Variants in BCKDHB observed in about 807,000 individuals in gnomAD.
BCKDHB encodes 2-oxoisovalerate dehydrogenase subunit beta, mitochondrial.
In BCKDHB, 41 loss-of-function variants were observed where a neutral mutation model predicts 48.5. The ratio of observed to expected loss-of-function variants is 0.85; its 90% confidence interval spans 0.66 to 1.10. The LOEUF is 1.10. Among genes scored for constraint, BCKDHB ranks in the 50% least tolerant of loss-of-function variants. The pLI, the probability that BCKDHB is intolerant of heterozygous loss-of-function variation, is 0.00. For synonymous variants in BCKDHB, 201 were observed against 174.8 expected, an observed-to-expected ratio of 1.15 and a Z score of -1.18; for missense variants, 496 against 494.2, an observed-to-expected ratio of 1.00 and a Z score of -0.03.
chr6:80,392,837 A>G, the BCKDHB span, among the ~76,000 whole-genome samples: 71 of 143,576 alleles, frequency 4.9e-4, 1 homozygote, highest in South Asian at 1.8e-3. Flanking sequence ...TCTAATTCCC[A>G]CTCTCCAAAG....
At chr6:80,176,215 A>G (rs1044443607) in intron 6 of BCKDHB, among the ~76,000 whole-genome samples, 1 of 152,166 alleles carries the variant, frequency 6.6e-6, no homozygotes, top group Non-Finnish European at 1.5e-5. Context: ...AGTGTAGAAT[A>G]AGATTTTCTT....
intron 6 of BCKDHB, among the ~76,000 whole-genome samples, chr6:80,199,648 G>A (rs1028523408): frequency 7.9e-5 from 12 of 151,244 alleles, no homozygotes; most frequent in South Asian, 2.1e-4. Context: ...GTGGTGGTGC[G>A]TGCCTGTAAT....
intron 9 of BCKDHB, among the ~76,000 whole-genome samples, chr6:80,329,435 A>G (rs958383208): frequency 6.6e-6 from 1 of 152,072 alleles, no homozygotes; most frequent in African/African-American, 2.4e-5. Flanking sequence ...TTTCCTGGAG[A>G]GTCTTGTAAT....
the BCKDHB span, among the ~76,000 whole-genome samples, chr6:80,451,203 AT>A: frequency 6.6e-6 from 1 of 152,210 alleles, no homozygotes; most frequent in Non-Finnish European, 1.5e-5. Flanking sequence ...TGCAAAATAA[AT>A]TTTGGTCTCA....
In BCKDHB at chr6:80,106,704, T is replaced by C. The variant is rs1305653204; in HGVS notation, c.11T>C (p.Val4Ala). 2 of 1,551,584 alleles carry C rather than the reference T, an allele frequency of 1.3e-6. No individual in the cohort carries two copies. The highest frequency in any genetic ancestry group is 1.9e-5 in the Admixed American group (1 of 51,396). The change falls in exon 1 of 10, where the codon GTA (valine) becomes GCA (alanine). Residue 4 changes from valine to alanine, a missense_variant. Physicochemically the swap from Val to Ala is moderately conservative, Grantham distance 64. Transcript: ENST00000320393. MAV[V>A]AAAAGWLLRL... is the part of the protein sequence containing the mutation. ...CGGTGGTGAGCGGGGATGGCGGTTG[T>C]AGCGGCGGCTGCCGGCTGGCTACTC...
At chr6:80,185,746 T>C (rs997055626) in intron 6 of BCKDHB, among the ~76,000 whole-genome samples, 1 of 152,194 alleles carries the variant, frequency 6.6e-6, no homozygotes, top group African/African-American at 2.4e-5. Flanking sequence ...TGCTGGGGAA[T>C]GTCTGCAAAG....
chr6:80,213,353 TTATC>T (rs1450481347), intron 8 of BCKDHB, among the ~76,000 whole-genome samples: 5 of 152,234 alleles, frequency 3.3e-5, no homozygotes, highest in East Asian at 3.8e-4. Context: ...TAGGAACAAT[TTATC>T]TACTTTGAAA....
chr6:80,380,906 T>C, the BCKDHB span, among the ~76,000 whole-genome samples: 4 of 152,020 alleles, frequency 2.6e-5, no homozygotes, highest in Admixed American at 6.6e-5. Flanking sequence ...CCTGCAAACT[T>C]GCTGAAGACA....
At chr6:80,169,890 G>T (rs888019153) in intron 5 of BCKDHB, 15 of 1,587,688 alleles carry the variant, frequency 9.4e-6, no homozygotes, top group Non-Finnish European at 1.3e-5. Context: ...GACTGGGAAA[G>T]AAGCCATGTG....
At chr6:80,356,898 T>C in the BCKDHB span, 1 of 150,928 alleles carries the variant, frequency 6.6e-6, no homozygotes, top group Non-Finnish European at 1.5e-5. Context: ...TCCTTCTGCC[T>C]CTGCCTCTTC....
the BCKDHB span, among the ~76,000 whole-genome samples, chr6:80,419,318 A>G: frequency 6.6e-6 from 1 of 152,102 alleles, no homozygotes; most frequent in African/African-American, 2.4e-5. Context: ...AGCATAATTC[A>G]CCAGCACAGA....
At position 80,344,118 on chromosome 6, in the gene BCKDHB, C is replaced by A; in HGVS notation, c.*314C>A. On this transcript the variant is annotated 3_prime_UTR_variant, in exon 10 of 10. Coordinates refer to ENST00000320393, the MANE Select transcript of BCKDHB (RefSeq NM_183050.4). Reference sequence around the variant, plus strand: ...CCCCTGAGTTCAAGCGATTCTCCTGCCTCAGCCTGCTGAGTAGTTGGGATT... The same window carrying A: ...CCCCTGAGTTCAAGCGATTCTCCTGACTCAGCCTGCTGAGTAGTTGGGATT... The A allele has an allele frequency of 2.7e-6, 1 of 365,788 alleles. No individual in the cohort carries two copies. The allele number at this position is 365,788 out of a possible 1,614,324, so 22.7% of individuals were successfully genotyped here.
At chr6:80,385,972 G>GGTTA in the BCKDHB span, among the ~76,000 whole-genome samples, 1 of 152,254 alleles carries the variant, frequency 6.6e-6, no homozygotes, top group Non-Finnish European at 1.5e-5. Flanking sequence ...TTATTTGCTT[G>GGTTA]GTTAGCTGAA....
chr6:80,171,261 T>TA (rs764125453), intron 5 of BCKDHB, 21 bp from the exon 6 acceptor site: 5 of 1,503,036 alleles, frequency 3.3e-6, no homozygotes, highest in Admixed American at 1.7e-5. Flanking sequence ...AAAATTGTCT[T>TA]AAAAAAATCT....
the BCKDHB span, among the ~76,000 whole-genome samples, chr6:80,422,905 ACTG>A: frequency 1.4e-3 from 208 of 152,320 alleles, no homozygotes; most frequent in African/African-American, 5.0e-3. Flanking sequence ...CATTTGAGTT[ACTG>A]CTGAAATGAG....
chr6:80,232,936 G>A (rs916639701), intron 8 of BCKDHB, among the ~76,000 whole-genome samples: 3 of 151,864 alleles, frequency 2.0e-5, no homozygotes, highest in African/African-American at 7.3e-5. Flanking sequence ...CTATGTGAAT[G>A]CATAATTTGC....
At chr6:80,410,175 C>T in the BCKDHB span, among the ~76,000 whole-genome samples, 1 of 152,072 alleles carries the variant, frequency 6.6e-6, no homozygotes, top group Non-Finnish European at 1.5e-5. Context: ...TTGCGTGTCT[C>T]TAAAGGATTT....
At chr6:80,348,952 A>G (rs1176342785), downstream of BCKDHB, among the ~76,000 whole-genome samples, 2 of 152,262 alleles carry the variant, frequency 1.3e-5, no homozygotes, top group African/African-American at 4.8e-5. Flanking sequence ...CAGTAACAAG[A>G]ATGAGGACAT....
intron 8 of BCKDHB, among the ~76,000 whole-genome samples, chr6:80,255,189 T>C (rs1776999388): frequency 3.9e-5 from 6 of 152,226 alleles, no homozygotes; most frequent in Admixed American, 3.3e-4. Context: ...TTATACCTTA[T>C]TGTACTTTTG....
Sources: allele counts gnomAD v4.1 joint callset (sites outside exome capture counted in the v4.1 genomes callset), GRCh38; gene constraint gnomAD v4.1.1; transcripts MANE v1.5; gene names NCBI Gene and HGNC (gene_info 2026-07-23, HGNC 2026-07-21).